Variants in GCN1 observed in about 807,000 individuals in gnomAD.
The protein encoded by GCN1 is GCN1 activator of EIF2AK4.
GCN1 carries 90 observed loss-of-function variants against 288.4 expected under a neutral mutation model. That is an observed-to-expected ratio of 0.31 (90% CI 0.26 to 0.37). The LOEUF is 0.37. Ranked by LOEUF, GCN1 falls within the 10% of genes least tolerant of loss-of-function variation. The probability of loss-of-function intolerance (pLI) is 1.00; values close to 1 mark genes in which losing one functional copy is unlikely to be tolerated. For synonymous variants in GCN1, 1,386 were observed against 1,420.2 expected (o/e 0.98, Z 0.54); for missense variants, 2,586 against 3,419.9 (o/e 0.76, Z 6.08).
chr12:120,173,052 C>G (rs1007147867), intron 14 of GCN1, among the ~76,000 whole-genome samples: 1 of 150,188 alleles, frequency 6.7e-6, no homozygotes, highest in African/African-American at 2.5e-5. Context: ...ATTTTTTAAA[C>G]CAGTCTTTTT....
chr12:120,163,278 G>C lies in GCN1; in HGVS notation c.1849-19C>G. On this transcript the variant is annotated intron_variant, in intron 18 of 57. Coordinates refer to ENST00000300648, the MANE Select transcript of GCN1 (RefSeq NM_006836.2). ...GCAGCACCTGTGTGGAGACACATGA[G>C]ATAATACTGCTAAGAGCCCTGTGCA... The C allele has an allele frequency of 6.3e-7, 1 of 1,597,324 alleles. No homozygotes were observed. Among genetic ancestry groups the C allele is most frequent in the Non-Finnish European group, 8.6e-7 (1 of 1,164,958 alleles).
At position 120,134,485 on chromosome 12, in the gene GCN1, A is replaced by C; in HGVS notation, c.7202+48T>G. 6.2e-7 allele frequency: 1 copy of C among 1,600,236 alleles called. No individual in the cohort carries two copies. The highest frequency in any genetic ancestry group is 8.6e-7 in the Non-Finnish European group (1 of 1,168,020). ...TGCCAGCGCAGGCTCGGCCCACAGC[A>C]ACCCCTGGCCTCCTGGAGGCCACAG... On this transcript the variant is annotated intron_variant, in intron 52 of 57. Coordinates refer to ENST00000300648, the MANE Select transcript of GCN1 (RefSeq NM_006836.2). The surrounding 1 kb of genome is among the most constrained non-coding windows in gnomAD (Gnocchi z 5.0).
In GCN1 at chr12:120,176,199, GC is replaced by G; in HGVS notation, c.856del (p.Ala286HisfsTer3). On this transcript the variant is annotated frameshift_variant, in exon 10 of 58. Transcript: ENST00000300648. LOFTEE classifies it high-confidence loss of function. ...CTGGCTGAGGTCAAGCGTCACTGATGCCAGCAGACTAGAAATAGCTAAGGGG... is the reference window on the plus strand; with the variant it reads ...CTGGCTGAGGTCAAGCGTCACTGATGCAGCAGACTAGAAATAGCTAAGGGG... Reference protein sequence around the residue: ...NVIETISSLLASVTLDLSQYA... With the variant: ...NVIETISSLLXSVTLDLSQYA... 1 of 1,609,586 alleles carries G rather than the reference GC, an allele frequency of 6.2e-7. No individual in the cohort carries two copies. Among genetic ancestry groups the G allele is most frequent in the Non-Finnish European group, 8.5e-7 (1 of 1,175,856 alleles).
At chr12:120,150,936 C>CAA (rs377588887) in intron 34 of GCN1, among the ~76,000 whole-genome samples, 4 of 116,836 alleles carry the variant, frequency 3.4e-5, no homozygotes, top group Admixed American at 9.0e-5. Context: ...GACTCCGTCT[C>CAA]AAAAAAAAAA....
intron 18 of GCN1, 29 bp from the exon 19 acceptor site, chr12:120,163,288 C>T (rs1380376964): frequency 6.4e-7 from 1 of 1,570,780 alleles, no homozygotes; most frequent in South Asian, 1.1e-5. Context: ...GATAATACTG[C>T]TAAGAGCCCT....
At chr12:120,179,762 CA>C (rs1364004236) in intron 5 of GCN1, among the ~76,000 whole-genome samples, 2 of 152,160 alleles carry the variant, frequency 1.3e-5, no homozygotes, top group African/African-American at 2.4e-5. Flanking sequence ...AATAAATACA[CA>C]AATGAACATA....
Position 120,142,764 on chromosome 12 carries a change from T to A in GCN1, c.5614-42A>T. 1 of 1,605,156 alleles carries A rather than the reference T, an allele frequency of 6.2e-7. No individual in the cohort carries two copies. The highest frequency in any genetic ancestry group is 1.1e-5 in the South Asian group (1 of 90,874). On this transcript the variant is annotated intron_variant, in intron 43 of 57. Transcript: ENST00000300648. The surrounding 1 kb of genome is among the most constrained non-coding windows in gnomAD (Gnocchi z 4.9). ...GGGACAGAGAGTAGTGAAGCCTCTA[T>A]GGCATGGGCATCAGGGCACACCCTA...
Position 120,168,266 on chromosome 12 carries a change from C to T in GCN1, c.1554G>A (p.Val518=). The change falls in exon 16 of 58, where the codon GTG becomes GTA. Residue 518 remains valine (V), a synonymous_variant. Coordinates refer to ENST00000300648, the MANE Select transcript of GCN1 (RefSeq NM_006836.2). The part of the protein sequence containing the change: ...AKLSSFWQLI[V]DEKKQVFTSE... ...AAGTGAAAACCTGCTTTTTCTCATCCACAATCAACTGCCAGAAACTGCTCA... is the reference window on the plus strand; with the variant it reads ...AAGTGAAAACCTGCTTTTTCTCATCTACAATCAACTGCCAGAAACTGCTCA... 1 of 1,610,280 alleles carries T rather than the reference C, an allele frequency of 6.2e-7. No individual in the cohort carries two copies. Among genetic ancestry groups the T allele is most frequent in the Non-Finnish European group, 8.5e-7 (1 of 1,176,460 alleles).
Position 120,175,218 on chromosome 12 carries a change from AAG to A in GCN1, c.1043-8_1043-7del, listed in dbSNP as rs755732836. The A allele has an allele frequency of 1.2e-5, 19 of 1,612,262 alleles. No individual in the cohort carries two copies. The African/African-American group carries it at 2.5e-4, about 22-fold the overall frequency. Reference sequence around the variant, plus strand: ...AGTTAGTTTTCCTTCCGAGCCTGAGAAGAGAGACAGCAAAGATTCACATTCAC... The same window carrying A: ...AGTTAGTTTTCCTTCCGAGCCTGAGAAGAGACAGCAAAGATTCACATTCAC... On this transcript the variant is annotated splice_polypyrimidine_tract_variant and splice_region_variant and intron_variant, in intron 11 of 57. Transcript: ENST00000300648.
chr12:120,129,397 A>G lies in GCN1; in HGVS notation c.7769T>C (p.Ile2590Thr), dbSNP rs978054862. Reference sequence around the variant, plus strand: ...AAGAAGAGCCTTCAGGATGGGCTTGATGGCCTGGGGGTCCAGGGGAGGCAG... The same window carrying G: ...AAGAAGAGCCTTCAGGATGGGCTTGGTGGCCTGGGGGTCCAGGGGAGGCAG... ...DPLPPLDPQA[I>T]KPILKALLDN... Residue 2590 changes from isoleucine (I) to threonine (T), a missense_variant, in exon 57 of 58, where the codon ATC (isoleucine) becomes ACC (threonine). Coordinates refer to ENST00000300648, the MANE Select transcript of GCN1 (RefSeq NM_006836.2). 1.2e-6 allele frequency: 2 copies of G among 1,613,882 alleles called. No individual in the cohort carries two copies. Among genetic ancestry groups the G allele is most frequent in the East Asian group, 4.5e-5 (2 of 44,876 alleles).
Position 120,160,244 on chromosome 12 carries a change from CTTCT to C in GCN1, c.2444_2447del (p.Lys815ArgfsTer11). ...GCACCTCCTCTTTGATGCCTTTCTTCTTCTTTATCTCCTAAAGAGGATGGGCAAA... is the reference window on the plus strand; with the variant it reads ...GCACCTCCTCTTTGATGCCTTTCTTCTTATCTCCTAAAGAGGATGGGCAAA... On this transcript the variant is annotated frameshift_variant, in exon 23 of 58. Coordinates refer to ENST00000300648, the MANE Select transcript of GCN1 (RefSeq NM_006836.2). LOFTEE classifies it high-confidence loss of function. 6.2e-7 allele frequency: 1 copy of C among 1,610,828 alleles called. No individual in the cohort carries two copies. The highest frequency in any genetic ancestry group is 8.5e-7 in the Non-Finnish European group (1 of 1,178,622).
chr12:120,128,122 G>C, intron 57 of GCN1, 148 bp from the exon 58 acceptor site: 1 of 746,206 alleles, frequency 1.3e-6, no homozygotes, highest in Non-Finnish European at 2.2e-6. Flanking sequence ...GATGGATCCA[G>C]GGAAAGCCAA....
At chr12:120,186,520 G>A (rs1308953257) in intron 2 of GCN1, among the ~76,000 whole-genome samples, 1 of 152,246 alleles carries the variant, frequency 6.6e-6, no homozygotes, top group Non-Finnish European at 1.5e-5. Context: ...TATACTGGGT[G>A]TAGGAAGAAC....
chr12:120,147,636 C>T (rs1284197156), intron 37 of GCN1, among the ~76,000 whole-genome samples: 1 of 152,126 alleles, frequency 6.6e-6, no homozygotes, highest in African/African-American at 2.4e-5. Context: ...TTAACTTTTC[C>T]CTATAGCTTT....
At chr12:120,173,949 C>G in intron 13 of GCN1, 122 bp downstream of exon 13, 1 of 1,045,582 alleles carries the variant, frequency 9.6e-7, no homozygotes, top group Non-Finnish European at 1.5e-6. Context: ...CAGACAGCTA[C>G]GAGCCTTGCT....
intron 18 of GCN1, 79 bp downstream of exon 18, chr12:120,164,257 C>G (rs1213527733): frequency 7.7e-7 from 1 of 1,304,830 alleles, no homozygotes; most frequent in African/African-American, 1.5e-5. Context: ...AGGGAGTGGC[C>G]CAGCCAAAAC....
Position 120,173,644 on chromosome 12 carries a change from T to C in GCN1, c.1366+9A>G, listed in dbSNP as rs1158109227. ...GAGACCTGGACACTAGCCCTGGGAG[T>C]TGTCTTACCCCGGTAAGAGGCCAAC... On this transcript the variant is annotated intron_variant, in intron 14 of 57. Transcript: ENST00000300648. 1 of 1,564,140 alleles carries C rather than the reference T, an allele frequency of 6.4e-7. No homozygotes were observed. Among genetic ancestry groups the C allele is most frequent in the Non-Finnish European group, 8.8e-7 (1 of 1,135,200 alleles).
At chr12:120,145,209 T>C (rs1254409189) in intron 39 of GCN1, 53 bp downstream of exon 39, 13 of 1,553,074 alleles carry the variant, frequency 8.4e-6, no homozygotes, top group South Asian at 1.2e-5. Flanking sequence ...GGAATCCATT[T>C]ATGGGGACTG....
At chr12:120,182,059 G>A (rs1878681904) in intron 5 of GCN1, among the ~76,000 whole-genome samples, 4 of 151,082 alleles carry the variant, frequency 2.6e-5, no homozygotes. Context: ...TGAGGGTTGA[G>A]AATTGCTTGA....
Sources: allele counts gnomAD v4.1 joint callset (sites outside exome capture counted in the v4.1 genomes callset), GRCh38; gene constraint gnomAD v4.1.1; non-coding constraint Gnocchi (gnomAD v3.1); transcripts MANE v1.5; gene names NCBI Gene and HGNC (gene_info 2026-07-23, HGNC 2026-07-21).